The following MFRP variants were observed in gnomAD, a reference collection of about 807,000 sequenced individuals.
MFRP encodes the protein C1q and TNF related 5.
Under a neutral mutation model 65.8 loss-of-function variants are expected in MFRP, and 74 were observed. That is an observed-to-expected ratio of 1.12 (90% CI 0.93 to 1.36). MFRP has a LOEUF of 1.36. MFRP is among the 40% of genes most tolerant of loss of function. The pLI, the probability that MFRP is intolerant of heterozygous loss-of-function variation, is 0.00. For missense variants in MFRP, 838 were observed against 736.0 expected, an observed-to-expected ratio of 1.14 and a Z score of -1.60; for synonymous variants, 336 against 288.3, an observed-to-expected ratio of 1.17 and a Z score of -1.68.
In MFRP at chr11:119,339,807, C is replaced by T. The variant is rs753440856; in HGVS notation, c.*1152G>A. 2.0e-6 allele frequency: 3 copies of T among 1,524,236 alleles called. No homozygotes were observed. The highest frequency in any genetic ancestry group is 4.0e-5 in the Admixed American group (2 of 49,390). The allele number at this position is 1,524,236 out of a possible 1,614,324, so 94.4% of individuals were successfully genotyped here. A position where few individuals can be genotyped will look rare whatever the true frequency, so the allele number is the denominator to read the frequency against. Reference sequence around the variant, plus strand: ...GGCCCGGTGGGCCCCGCGGGTCCCGCCTCTCCTCGCGGCCCGGGGTCCCCT... The same window carrying T: ...GGCCCGGTGGGCCCCGCGGGTCCCGTCTCTCCTCGCGGCCCGGGGTCCCCT... On this transcript the variant is annotated 3_prime_UTR_variant, in exon 15 of 15. Transcript: ENST00000619721. This position sits in a 1 kb window ranked among gnomAD's most constrained non-coding sequence, Gnocchi z 5.4.
chr11:119,344,454 G>A (rs778811113), intron 7 of MFRP, 63 bp from the exon 8 acceptor site: 36 of 1,568,700 alleles, frequency 2.3e-5, no homozygotes, highest in Non-Finnish European at 3.1e-5. Flanking sequence ...AATAGGGCTG[G>A]CGGTGATTAC....
rs762515270 is a variant in MFRP at position 119,346,281 on chromosome 11, G to A, written c.148C>T (p.Pro50Ser). 6.2e-7 allele frequency: 1 copy of A among 1,613,132 alleles called. No individual in the cohort carries two copies. The highest frequency in any genetic ancestry group is 2.2e-5 in the East Asian group (1 of 44,842). ...CCCCTGGGATGGTTACCATGCCAGG[G>A]AGCTGGGACGCTGTAGCTGGCATCC... ...PEDASYSVPA[P>S]WHGRRPRGLR... The change falls in exon 2 of 15, where the codon CCC (proline) becomes TCC (serine). Residue 50 changes from proline to serine, a missense_variant. Coordinates refer to ENST00000619721, the MANE Select transcript of MFRP (RefSeq NM_031433.4).
rs764416891 is a variant in MFRP at position 119,345,545 on chromosome 11, C to T, written c.516G>A (p.Trp172Ter). ...CATGGTCTGTGGCCACCTGGATATGCCACACGCAGTGGGTGTTGGGGGGGT... is the reference window on the plus strand; with the variant it reads ...CATGGTCTGTGGCCACCTGGATATGTCACACGCAGTGGGTGTTGGGGGGGT... Reference protein sequence around the residue: ...DPYPPNTHCVWHIQVATDHAI... With the variant: ...DPYPPNTHCV The change falls in exon 5 of 15, where the codon TGG (tryptophan) becomes TGA (stop). Residue 172 changes from tryptophan to a stop codon, truncating the protein, a stop_gained. Coordinates refer to ENST00000619721, the MANE Select transcript of MFRP (RefSeq NM_031433.4). LOFTEE classifies it high-confidence loss of function. 10 of 1,613,934 alleles carry T rather than the reference C, an allele frequency of 6.2e-6. No homozygotes were observed. The highest frequency in any genetic ancestry group is 8.5e-6 in the Non-Finnish European group (10 of 1,180,036).
At chr11:119,342,094 G>A (rs1950508793) in intron 11 of MFRP, 110 bp from the exon 12 acceptor site, 1 of 1,361,218 alleles carries the variant, frequency 7.3e-7, no homozygotes, top group African/African-American at 1.4e-5. Flanking sequence ...AATGGGGGTG[G>A]TTGTGAGGAA....
intron 6 of MFRP, 46 bp from the exon 7 acceptor site, chr11:119,344,803 C>G (rs1223455297): frequency 8.1e-6 from 13 of 1,613,642 alleles, no homozygotes; most frequent in Non-Finnish European, 9.3e-6. Flanking sequence ...GTCTCCACCC[C>G]TTTGACAGGA....
Position 119,340,176 on chromosome 11 carries a change from C to T in MFRP, c.*1110+8G>A. 6.6e-7 allele frequency: 1 copy of T among 1,513,804 alleles called. No homozygotes were observed. The highest frequency in any genetic ancestry group is 8.8e-7 in the Non-Finnish European group (1 of 1,133,962). 93.8% of individuals were successfully genotyped at this position (1,513,804 alleles called of 1,614,324 possible). A position where few individuals can be genotyped will look rare whatever the true frequency, so the allele number is the denominator to read the frequency against. ...TCGCCACCGATAGCCGCGGCGGTGC[C>T]TTCTTACCCGGCCTCCCGCCCTCGC... On this transcript the variant is annotated splice_region_variant and intron_variant, in intron 14 of 14. Transcript: ENST00000619721.
rs1178933033 is a variant in MFRP at position 119,340,337 on chromosome 11, C to T, written c.*957G>A. 5.8e-6 allele frequency: 9 copies of T among 1,543,528 alleles called. No individual in the cohort carries two copies. The highest frequency in any genetic ancestry group is 1.2e-5 in the South Asian group (1 of 83,378). On this transcript the variant is annotated 3_prime_UTR_variant, in exon 14 of 15. Transcript: ENST00000619721. The stretch of plus-strand genomic sequence containing the variant: ...GGGCAGAGGCTGGGGATCTTGTTGT[C>T]GTCCAGTGGGGGCGAGCCGGCCGCC...
intron 5 of MFRP, 43 bp downstream of exon 5, chr11:119,345,377 G>A (rs1164462254): frequency 1.9e-6 from 3 of 1,584,876 alleles, no homozygotes; most frequent in Admixed American, 1.7e-5. Flanking sequence ...TTTAGATAGT[G>A]GTTCAGGACA....
chr11:119,346,075 A>G lies in MFRP; in HGVS notation c.242T>C (p.Leu81Pro), dbSNP rs1184539583. The G allele has an allele frequency of 1.2e-6, 2 of 1,610,262 alleles. No homozygotes were observed. The highest frequency in any genetic ancestry group is 2.7e-5 in the African/African-American group (2 of 74,860). Reference sequence around the variant, plus strand: ...CAGGATGATGGCCACCAGCAGCCCAAGCAGCAGGAGGAGCAGGCTGGAGAG... The same window carrying G: ...CAGGATGATGGCCACCAGCAGCCCAGGCAGCAGGAGGAGCAGGCTGGAGAG... ...LLLSSLLLLL[L>P]GLLVAIILAQ... The change falls in exon 3 of 15, where the codon CTT becomes CCT. Residue 81 changes from leucine (L) to proline (P), a missense_variant. Transcript: ENST00000619721.
Position 119,339,643 on chromosome 11 carries a change from G to A in MFRP, c.*1316C>T, listed in dbSNP as rs1228782830. 6.2e-7 allele frequency: 1 copy of A among 1,612,560 alleles called. No individual in the cohort carries two copies. Among genetic ancestry groups the A allele is most frequent in the Admixed American group, 1.7e-5 (1 of 60,012 alleles). The stretch of plus-strand genomic sequence containing the variant: ...CAGGCACCTGGCAGGTGAACTTGCC[G>A]GTGACGGCGTCGTAATGTCCCTGCT... On this transcript the variant is annotated 3_prime_UTR_variant, in exon 15 of 15. Transcript: ENST00000619721. The surrounding 1 kb of genome is among the most constrained non-coding windows in gnomAD (Gnocchi z 5.4).
In MFRP at chr11:119,339,772, C is replaced by G; in HGVS notation, c.*1187G>C. On this transcript the variant is annotated 3_prime_UTR_variant, in exon 15 of 15. Transcript: ENST00000619721. The surrounding 1 kb of genome is among the most constrained non-coding windows in gnomAD (Gnocchi z 5.4). ...AGGCGGATCGCGGAGGCACCGAGCA[C>G]TCCCCGGCAGGCCCGGTGGGCCCCG... 1 of 1,563,990 alleles carries G rather than the reference C, an allele frequency of 6.4e-7. No homozygotes were observed. The highest frequency in any genetic ancestry group is 8.6e-7 in the Non-Finnish European group (1 of 1,162,272).
At chr11:119,340,661 C>A (rs550258065) in intron 13 of MFRP, 34 bp downstream of exon 13, 1 of 514,024 alleles carries the variant, frequency 1.9e-6, no homozygotes. Flanking sequence ...ACAGTCCCCT[C>A]CCCAGCCCCT....
chr11:119,340,344 TG>T lies in MFRP; in HGVS notation c.*949del. On this transcript the variant is annotated 3_prime_UTR_variant, in exon 14 of 15. Transcript: ENST00000619721. Reference sequence around the variant, plus strand: ...GGCTGGGGATCTTGTTGTCGTCCAGTGGGGGCGAGCCGGCCGCCAGGCCCAG... The same window carrying T: ...GGCTGGGGATCTTGTTGTCGTCCAGTGGGGCGAGCCGGCCGCCAGGCCCAG... 1 of 1,543,464 alleles carries T rather than the reference TG, an allele frequency of 6.5e-7. No individual in the cohort carries two copies. Among genetic ancestry groups the T allele is most frequent in the East Asian group, 2.5e-5 (1 of 40,396 alleles).
Position 119,344,302 on chromosome 11 carries a change from G to C in MFRP, c.975+13C>G. The C allele has an allele frequency of 6.2e-7, 1 of 1,613,006 alleles. No individual in the cohort carries two copies. Among genetic ancestry groups the C allele is most frequent in the Non-Finnish European group, 8.5e-7 (1 of 1,179,096 alleles). ...GTGTGCCCCTCCCGTTCTGCATGGAGCACTGTGCTTACCAGTTGGTGAGGG... is the reference window on the plus strand; with the variant it reads ...GTGTGCCCCTCCCGTTCTGCATGGACCACTGTGCTTACCAGTTGGTGAGGG... On this transcript the variant is annotated intron_variant, in intron 8 of 14. Coordinates refer to ENST00000619721, the MANE Select transcript of MFRP (RefSeq NM_031433.4).
chr11:119,343,651 G>T (rs1180643863), intron 9 of MFRP, among the ~76,000 whole-genome samples, 165 bp downstream of exon 9: 1 of 152,162 alleles, frequency 6.6e-6, no homozygotes, highest in Non-Finnish European at 1.5e-5. Flanking sequence ...TGGGGTGAAG[G>T]TTTTGAGGTG....
In MFRP at chr11:119,340,724, T is replaced by C. The variant is rs1950495039; in HGVS notation, c.*824A>G. 1 of 375,404 alleles carries C rather than the reference T, an allele frequency of 2.7e-6. No homozygotes were observed. The highest frequency in any genetic ancestry group is 4.9e-6 in the Non-Finnish European group (1 of 204,818). 23.3% of individuals were successfully genotyped at this position (375,404 alleles called of 1,614,324 possible). A position where few individuals can be genotyped will look rare whatever the true frequency, so the allele number is the denominator to read the frequency against. The stretch of plus-strand genomic sequence containing the variant: ...CCTCCCGGCTCCCCGATGGCCTCCT[T>C]CGGGGCGCTCGCTACTCCGGACCCT... On this transcript the variant is annotated 3_prime_UTR_variant, in exon 13 of 15. Coordinates refer to ENST00000619721, the MANE Select transcript of MFRP (RefSeq NM_031433.4).
In MFRP at chr11:119,345,821, T is replaced by C; in HGVS notation, c.379A>G (p.Thr127Ala). 3 of 1,613,700 alleles carry C rather than the reference T, an allele frequency of 1.9e-6. No individual in the cohort carries two copies. Among genetic ancestry groups the C allele is most frequent in the Non-Finnish European group, 2.5e-6 (3 of 1,179,970 alleles). ...PTITTSQAAG[T>A]PKGQQESGVS... ...CCTGACTCCTGCTGCCCTTTAGGGG[T>C]CCCAGCTGCCTGAGAGGTGGTGATG... The change falls in exon 4 of 15, where the codon ACC becomes GCC. Residue 127 changes from threonine (T) to alanine (A), a missense_variant. Coordinates refer to ENST00000619721, the MANE Select transcript of MFRP (RefSeq NM_031433.4).
At chr11:119,343,033 C>A (rs1950519466) in intron 9 of MFRP, 30 bp from the exon 10 acceptor site, 2 of 1,576,526 alleles carry the variant, frequency 1.3e-6, no homozygotes. Flanking sequence ...GTTCTGGGCA[C>A]CAGCCCTGGC....
At chr11:119,340,641 A>G (rs1466324661) in intron 13 of MFRP, 54 bp downstream of exon 13, 2 of 541,758 alleles carry the variant, frequency 3.7e-6, no homozygotes, top group Non-Finnish European at 3.2e-6. Context: ...GGCCCGCGCC[A>G]GCCTTTCCCA....
Sources: allele counts gnomAD v4.1 joint callset (sites outside exome capture counted in the v4.1 genomes callset), GRCh38; gene constraint gnomAD v4.1.1; non-coding constraint Gnocchi (gnomAD v3.1); transcripts MANE v1.5; gene names NCBI Gene and HGNC (gene_info 2026-07-23, HGNC 2026-07-21).